Variants in EVC2 observed in about 807,000 individuals in gnomAD.
EVC2 encodes EvC ciliary complex subunit 2.
Under a neutral mutation model 149.3 loss-of-function variants are expected in EVC2, and 148 were observed. The ratio of observed to expected loss-of-function variants is 0.99; its 90% CI spans 0.87 to 1.14. EVC2 has a LOEUF of 1.14. Ranked by LOEUF, EVC2 falls within the 50% of genes most tolerant of loss-of-function variation. The pLI is 0.00. For synonymous variants in EVC2, 776 were observed against 649.9 expected, an observed-to-expected ratio of 1.19 and a Z score of -2.95; for missense variants, 1,854 against 1,627.3, an observed-to-expected ratio of 1.14 and a Z score of -2.40.
intron 16 of EVC2, among the ~76,000 whole-genome samples, chr4:5,587,094 AAGTC>A (rs1712356279): frequency 6.6e-6 from 1 of 152,242 alleles, no homozygotes; most frequent in African/African-American, 2.4e-5. Context: ...TCATTGAAAT[AAGTC>A]AATCTTTAAA....
At chr4:5,690,499 C>A (rs1721048365) in intron 4 of EVC2, among the ~76,000 whole-genome samples, 1 of 151,164 alleles carries the variant, frequency 6.6e-6, no homozygotes, top group Non-Finnish European at 1.5e-5. Flanking sequence ...CCCTGCTGTA[C>A]TGAAATGACC....
At chr4:5,650,707 G>A (rs1243215504) in intron 9 of EVC2, among the ~76,000 whole-genome samples, 1 of 141,206 alleles carries the variant, frequency 7.1e-6, no homozygotes, top group Admixed American at 7.5e-5. Context: ...CTATAAGGTA[G>A]GTGATTAACA....
intron 16 of EVC2, among the ~76,000 whole-genome samples, chr4:5,611,544 T>G (rs1020335545): frequency 1.3e-5 from 2 of 152,116 alleles, no homozygotes; most frequent in African/African-American, 4.8e-5. Flanking sequence ...TGAATGAGGT[T>G]AAGATATTTT....
rs781092350 is a variant in EVC2, at chr4:5,665,653, T to C, written c.871-4A>G. ...GGAGGCCGTGGTGCGGCAGAACCTGTGGAGACAAGAGGAGAGCAGGATTCA... is the reference window on the plus strand; with the variant it reads ...GGAGGCCGTGGTGCGGCAGAACCTGCGGAGACAAGAGGAGAGCAGGATTCA... On this transcript the variant is annotated splice_polypyrimidine_tract_variant and splice_region_variant and intron_variant, in intron 7 of 21. Coordinates refer to ENST00000344408, the MANE Select transcript of EVC2 (RefSeq NM_147127.5). 2 of 1,614,024 alleles carry C rather than the reference T, an allele frequency of 1.2e-6. No homozygotes were observed. Among genetic ancestry groups the C allele is most frequent in the East Asian group, 4.5e-5 (2 of 44,882 alleles).
chr4:5,643,191 A>C (rs1318941964), intron 9 of EVC2, among the ~76,000 whole-genome samples: 1 of 152,224 alleles, frequency 6.6e-6, no homozygotes, highest in Non-Finnish European at 1.5e-5. Flanking sequence ...CAAACTAGCA[A>C]GTATCAGATC....
At chr4:5,708,576 C>T, upstream of EVC2, 1 of 1,183,528 alleles carries the variant, frequency 8.4e-7, no homozygotes, top group East Asian at 3.1e-5. Flanking sequence ...GCTTCCGGAC[C>T]CCAGGCCCGC....
chr4:5,562,991 T>C lies in EVC2; in HGVS notation c.3784A>G (p.Thr1262Ala), dbSNP rs754241937. 4 of 1,614,060 alleles carry C rather than the reference T, an allele frequency of 2.5e-6. No homozygotes were observed. The highest frequency in any genetic ancestry group is 3.4e-6 in the Non-Finnish European group (4 of 1,180,050). Residue 1262 changes from threonine (T) to alanine (A), a missense_variant, in exon 22 of 22, where the codon ACC (threonine) becomes GCC (alanine). Coordinates refer to ENST00000344408, the MANE Select transcript of EVC2 (RefSeq NM_147127.5). This position sits in a 1 kb window ranked among gnomAD's most constrained non-coding sequence, Gnocchi z 4.3. The part of the protein sequence containing the change: ...LAPVPIVGAE[T>A]IDLLNTGEKL... Reference sequence around the variant, plus strand: ...TCTCCTGTGTTTAATAGATCAATGGTTTCTGCCCCTACAATGGGTACAGGG... The same window carrying C: ...TCTCCTGTGTTTAATAGATCAATGGCTTCTGCCCCTACAATGGGTACAGGG...
chr4:5,583,860 GT>G (rs11284060), intron 17 of EVC2, among the ~76,000 whole-genome samples: 14,002 of 145,716 alleles, frequency 0.096, 1,203 homozygotes, highest in African/African-American at 0.23. Flanking sequence ...AAGAAACACA[GT>G]TTTTTTTTTT....
intron 14 of EVC2, among the ~76,000 whole-genome samples, chr4:5,619,775 C>T (rs929317899): frequency 1.3e-5 from 2 of 152,204 alleles, no homozygotes; most frequent in Non-Finnish European, 2.9e-5. Flanking sequence ...ATTGCTTTCT[C>T]ATCCTCAAGG....
intron 16 of EVC2, among the ~76,000 whole-genome samples, chr4:5,594,778 CG>C (rs748703079): frequency 3.2e-3 from 487 of 152,070 alleles, no homozygotes; most frequent in Middle Eastern, 6.8e-3. Context: ...CTCCAAGCTA[CG>C]GGAGGAAATT....
rs892796026 is a variant in EVC2 at position 5,576,789 on chromosome 4, C to A, written c.3058-335G>T. 2.6e-5 allele frequency among the ~76,000 whole-genome samples: 4 copies of A among 152,230 alleles called. No individual in the cohort carries two copies. Among genetic ancestry groups the A allele is most frequent in the Non-Finnish European group, 5.9e-5 (4 of 68,034 alleles). On this transcript the variant is annotated intron_variant, in intron 17 of 21. Transcript: ENST00000344408. The surrounding 1 kb of genome is among the most constrained non-coding windows in gnomAD (Gnocchi z 4.5). ...GGATCCCTGAGTTCCTTGGGAGACA[C>A]AGATGCCCTCTCCTCATGTGCCCAC...
Position 5,622,719 on chromosome 4 carries a change from C to T in EVC2, c.2319G>A (p.Leu773=), listed in dbSNP as rs775800077. 5.0e-6 allele frequency: 8 copies of T among 1,614,150 alleles called. No homozygotes were observed. The highest frequency in any genetic ancestry group is 6.8e-6 in the Non-Finnish European group (8 of 1,180,044). ...LLKRGVPWLF[L]QQILEEHGKE... ...TGCCGTGCTCCTCCAGGATCTGCTG[C>T]AGGAAGAGCCAGGGCACCCCACGCT... The change falls in exon 14 of 22, where the codon CTG becomes CTA. Residue 773 remains leucine, a synonymous_variant. Transcript: ENST00000344408. The surrounding 1 kb of genome is among the most constrained non-coding windows in gnomAD (Gnocchi z 5.8).
intron 17 of EVC2, among the ~76,000 whole-genome samples, chr4:5,580,055 T>C (rs1215067935): frequency 6.6e-6 from 1 of 152,192 alleles, no homozygotes; most frequent in African/African-American, 2.4e-5. Flanking sequence ...GCAAAATGAG[T>C]CTAAATCTTT....
Position 5,631,795 on chromosome 4 carries a change from G to A in EVC2, c.1708C>T (p.Gln570Ter), listed in dbSNP as rs769864196. Residue 570 changes from glutamine to a stop codon, truncating the protein, a stop_gained and splice_region_variant, in exon 11 of 22, where the codon CAG becomes TAG. Transcript: ENST00000344408. LOFTEE classifies it high-confidence loss of function. ...TCACAGCGAGGCTGATGTATTACCT[G>A]TATTTTAGAATAATTTTGCAGCAGC... ...KMLLQNYSKI[Q>*]ENVEELMDFF... 169 of 1,613,830 alleles carry A rather than the reference G, an allele frequency of 1.0e-4. No homozygotes were observed. Among genetic ancestry groups the A allele is most frequent in the Non-Finnish European group, 1.4e-4 (160 of 1,179,858 alleles).
rs757807439 is a variant in EVC2, at chr4:5,568,623, C to T, written c.3378G>A (p.Ser1126=). Residue 1126 remains serine, a synonymous_variant, in exon 20 of 22, where the codon TCG becomes TCA. Transcript: ENST00000344408. ...GCACCATGGCCATCCTCGCCAGGTA[C>T]GATGCCAGTCTCAGCTCCTACAGGA... ...TLCSQELRLA[S]YLARMAMVPG... 12 of 1,608,426 alleles carry T rather than the reference C, an allele frequency of 7.5e-6. No individual in the cohort carries two copies. The highest frequency in any genetic ancestry group is 6.7e-5 in the East Asian group (3 of 44,870).
At chr4:5,541,116 C>T (rs1054101931), downstream of EVC2, among the ~76,000 whole-genome samples, 1 of 152,206 alleles carries the variant, frequency 6.6e-6, no homozygotes. Context: ...GATAACATTG[C>T]TCTGTAAGAA....
intron 16 of EVC2, among the ~76,000 whole-genome samples, chr4:5,592,354 G>A (rs902751037): frequency 1.3e-5 from 2 of 152,148 alleles, no homozygotes; most frequent in Admixed American, 6.5e-5. Flanking sequence ...GTGGGCCAAG[G>A]GATGGAGAAT....
intron 20 of EVC2, 62 bp from the exon 21 acceptor site, chr4:5,565,421 A>G: frequency 6.6e-7 from 1 of 1,526,242 alleles, no homozygotes; most frequent in Non-Finnish European, 9.1e-7. Context: ...CTGTAATCCC[A>G]GCACTTTGGA....
At chr4:5,574,797 A>C (rs1336289935) in intron 18 of EVC2, 25 bp from the exon 19 acceptor site, 6 of 1,609,876 alleles carry the variant, frequency 3.7e-6, no homozygotes, top group Non-Finnish European at 5.1e-6. Flanking sequence ...AAATATACGT[A>C]AGTTCAGTTT....
Sources: allele counts gnomAD v4.1 joint callset (sites outside exome capture counted in the v4.1 genomes callset), GRCh38; gene constraint gnomAD v4.1.1; non-coding constraint Gnocchi (gnomAD v3.1); transcripts MANE v1.5; gene names NCBI Gene and HGNC (gene_info 2026-07-23, HGNC 2026-07-21).